Variants in UTRN observed in about 807,000 individuals in gnomAD.
UTRN encodes the protein dystrophin-related protein 1.
A neutral mutation model predicts 463.9 loss-of-function variants in UTRN; 283 were observed. The ratio of observed to expected loss-of-function variants is 0.61; its 90% CI spans 0.55 to 0.67. The LOEUF is 0.67. UTRN is among the 30% of genes least tolerant of loss of function. UTRN has a pLI of 0.00. For synonymous variants in UTRN, 1,442 were observed against 1,431.5 expected, an observed-to-expected ratio of 1.01 and a Z score of -0.17; for missense variants, 3,922 against 4,084.3, an observed-to-expected ratio of 0.96 and a Z score of 1.08.
At chr6:144,689,278 G>A (rs1183713740) in intron 52 of UTRN, among the ~76,000 whole-genome samples, 1 of 152,168 alleles carries the variant, frequency 6.6e-6, no homozygotes, top group African/African-American at 2.4e-5. Context: ...TGTCTGCAAT[G>A]GTGGGTGAAG....
In UTRN at chr6:144,557,144, A is replaced by C. The variant is rs1368794468; in HGVS notation, c.7135-13A>C. On this transcript the variant is annotated splice_polypyrimidine_tract_variant and intron_variant, in intron 49 of 74. Transcript: ENST00000367545. ...GACCAAGTCTAACAAACAGACCTGC[A>C]CTTGCACCTCAGATACTGCTTCAAG... 6.2e-7 allele frequency: 1 copy of C among 1,612,410 alleles called. No homozygotes were observed. Among genetic ancestry groups the C allele is most frequent in the Non-Finnish European group, 8.5e-7 (1 of 1,179,124 alleles).
At chr6:144,815,049 G>T (rs1778957382) in intron 65 of UTRN, among the ~76,000 whole-genome samples, 1 of 152,162 alleles carries the variant, frequency 6.6e-6, no homozygotes, top group South Asian at 2.1e-4. Flanking sequence ...TAGCTAATAA[G>T]GAAGCTGTTG....
intron 52 of UTRN, among the ~76,000 whole-genome samples, chr6:144,699,416 G>T (rs1784336676): frequency 1.4e-5 from 2 of 147,742 alleles, no homozygotes; most frequent in Non-Finnish European, 3.0e-5. Context: ...CTCCAGCCTG[G>T]GTGACAGAGC....
intron 51 of UTRN, among the ~76,000 whole-genome samples, chr6:144,676,606 A>T (rs1325669682): frequency 6.6e-6 from 1 of 151,604 alleles, no homozygotes; most frequent in East Asian, 1.9e-4. Flanking sequence ...TACATGTGCC[A>T]TGTTGGTTTG....
Position 144,577,224 on chromosome 6 carries a change from C to T in UTRN, c.7415C>T (p.Ala2472Val). ...ACCACAGTGAATGTGCTTGTGGATG[C>T]CTCTCATCGGGAGAATGCTCTTCAG... ...AETTVNVLVDASHRENALQDS... is the reference protein window; with the variant it reads ...AETTVNVLVDVSHRENALQDS... Residue 2472 changes from alanine to valine, a missense_variant, in exon 51 of 75, where the codon GCC becomes GTC. Physicochemically the swap from Ala to Val is moderately conservative, Grantham distance 64 (BLOSUM62 0). Coordinates refer to ENST00000367545, the MANE Select transcript of UTRN (RefSeq NM_007124.3). 6.2e-7 allele frequency: 1 copy of T among 1,613,950 alleles called. No individual in the cohort carries two copies. The highest frequency in any genetic ancestry group is 8.5e-7 in the Non-Finnish European group (1 of 1,179,918).
chr6:144,757,964 C>T lies in UTRN; in HGVS notation c.8470C>T (p.His2824Tyr), dbSNP rs776045373. The T allele has an allele frequency of 1.2e-6, 2 of 1,611,150 alleles. No homozygotes were observed. The highest frequency in any genetic ancestry group is 1.1e-5 in the South Asian group (1 of 90,600). ...VQLPWQRSISHNKVPYYINHQ... is the reference protein window; with the variant it reads ...VQLPWQRSISYNKVPYYINHQ... ...GCTGCCGTGGCAAAGATCCATTTCACATAATAAAGTGCCCTATTACATCAA... is the reference window on the plus strand; with the variant it reads ...GCTGCCGTGGCAAAGATCCATTTCATATAATAAAGTGCCCTATTACATCAA... The change falls in exon 58 of 75, where the codon CAT becomes TAT. Residue 2824 changes from histidine (H) to tyrosine (Y), a missense_variant. Around this residue, in one of 3 missense-constraint regions of UTRN, gnomAD observed 1,309 missense variants for 1,452.6 expected, o/e 0.90. Coordinates refer to ENST00000367545, the MANE Select transcript of UTRN (RefSeq NM_007124.3).
In UTRN at chr6:144,548,840, G is replaced by T. The variant is rs116253225; in HGVS notation, c.6796G>T (p.Val2266Phe). Reference sequence around the variant, plus strand: ...GGATGTAGAAGAGATCAATAAGACCGTTTCCCGAATGAAAGTAGGTGCATA... The same window carrying T: ...GGATGTAGAAGAGATCAATAAGACCTTTTCCCGAATGAAAGTAGGTGCATA... ...VGDVEEINKT[V>F]SRMKITKADL... Residue 2266 changes from valine to phenylalanine, a missense_variant, in exon 47 of 75, where the codon GTT (valine) becomes TTT (phenylalanine). By Grantham distance (50) the Val-to-Phe change is conservative. Transcript: ENST00000367545. The T allele has an allele frequency of 6.2e-7, 1 of 1,613,788 alleles. No homozygotes were observed.
chr6:144,353,538 G>A (rs564770295), intron 2 of UTRN, among the ~76,000 whole-genome samples: 11 of 152,010 alleles, frequency 7.2e-5, no homozygotes, highest in Admixed American at 3.9e-4. Context: ...GATAACAGGC[G>A]TGAGCCACTG....
At chr6:144,530,091 A>G (rs1365952926) in intron 41 of UTRN, among the ~76,000 whole-genome samples, 1 of 152,230 alleles carries the variant, frequency 6.6e-6, no homozygotes, top group African/African-American at 2.4e-5. Flanking sequence ...CCTCAGGACC[A>G]GTCATTACCC....
intron 52 of UTRN, among the ~76,000 whole-genome samples, chr6:144,697,026 A>T (rs1784082190): frequency 6.6e-6 from 1 of 152,164 alleles, no homozygotes; most frequent in Non-Finnish European, 1.5e-5. Context: ...TTTACCTTCT[A>T]ACATGTTTTT....
At chr6:144,334,470 A>G (rs1233344110) in intron 2 of UTRN, among the ~76,000 whole-genome samples, 1 of 151,980 alleles carries the variant, frequency 6.6e-6, no homozygotes, top group African/African-American at 2.4e-5. Flanking sequence ...AAGACTCATA[A>G]TCCGGGCAGC....
In UTRN at chr6:144,458,904, C is replaced by A. The variant is rs775767697; in HGVS notation, c.2419C>A (p.Leu807Ile). Residue 807 changes from leucine to isoleucine, a missense_variant, in exon 20 of 75, where the codon CTT becomes ATT. Physicochemically the swap from Leu to Ile is conservative, Grantham distance 5. Coordinates refer to ENST00000367545, the MANE Select transcript of UTRN (RefSeq NM_007124.3). ...AGATATAAATGCTTATTTCAAGCAG[C>A]TTGATGAGCTTGAAAAGGTCATCAA... The part of the protein sequence containing the change: ...QEDINAYFKQ[L>I]DELEKVIKTK... 3.1e-6 allele frequency: 5 copies of A among 1,613,828 alleles called. No homozygotes were observed. The highest frequency in any genetic ancestry group is 4.2e-6 in the Non-Finnish European group (5 of 1,179,944).
chr6:144,621,671 A>G (rs1053951915), intron 51 of UTRN, among the ~76,000 whole-genome samples: 1 of 152,196 alleles, frequency 6.6e-6, no homozygotes, highest in African/African-American at 2.4e-5. Context: ...GGAAAGGTAT[A>G]GTGATTCTCA....
intron 59 of UTRN, 122 bp from the exon 60 acceptor site, chr6:144,774,168 G>A: frequency 1.0e-6 from 1 of 984,916 alleles, no homozygotes; most frequent in Non-Finnish European, 1.5e-6. Flanking sequence ...TTTGGGAGAA[G>A]ACTTTTTATT....
intron 65 of UTRN, among the ~76,000 whole-genome samples, chr6:144,806,977 A>G (rs1346248316): frequency 6.6e-6 from 1 of 152,102 alleles, no homozygotes; most frequent in African/African-American, 2.4e-5. Context: ...CTTTTACTCA[A>G]CATTTCCTAA....
intron 51 of UTRN, among the ~76,000 whole-genome samples, chr6:144,610,631 T>C (rs1805395143): frequency 6.6e-6 from 1 of 152,188 alleles, no homozygotes; most frequent in South Asian, 2.1e-4. Context: ...TCCCAGCACT[T>C]TGGGAGGCCA....
At chr6:144,569,572 A>T (rs964140549) in intron 50 of UTRN, among the ~76,000 whole-genome samples, 1 of 152,110 alleles carries the variant, frequency 6.6e-6, no homozygotes, top group Non-Finnish European at 1.5e-5. Flanking sequence ...CAATATGGAG[A>T]TGTTATTCCT....
chr6:144,586,779 A>G lies in UTRN; in HGVS notation c.7479+9491A>G, dbSNP rs117849689. On this transcript the variant is annotated intron_variant, in intron 51 of 74. Coordinates refer to ENST00000367545, the MANE Select transcript of UTRN (RefSeq NM_007124.3). The stretch of plus-strand genomic sequence containing the variant: ...CTGTAAAGTAGATTGGGATATGAAC[A>G]TTATAGAAAAATGAGAAAAATTTAA... Among the ~76,000 whole-genome samples, 361 of 152,262 alleles carry G rather than the reference A, an allele frequency of 2.4e-3. 1 individual carries two copies. Among genetic ancestry groups the G allele is most frequent in the East Asian group, 0.017 (89 of 5,178 alleles).
At chr6:144,376,544 C>T (rs1034766777) in intron 2 of UTRN, among the ~76,000 whole-genome samples, 8 of 152,180 alleles carry the variant, frequency 5.3e-5, no homozygotes, top group African/African-American at 1.7e-4. Flanking sequence ...AATCCGCCCT[C>T]CTCGGCCTCC....
Sources: allele counts gnomAD v4.1 joint callset (sites outside exome capture counted in the v4.1 genomes callset), GRCh38; gene constraint gnomAD v4.1.1; regional missense constraint gnomAD v4.1.1; transcripts MANE v1.5; gene names NCBI Gene and HGNC (gene_info 2026-07-23, HGNC 2026-07-21).